PRDM2: variants seen among roughly 807,000 people sequenced by gnomAD.
The protein encoded by PRDM2 is PR/SET domain 2, also known as PR domain zinc finger protein 2.
Under a neutral mutation model 130.0 loss-of-function variants are expected in PRDM2, and 30 were observed. That is an observed-to-expected ratio of 0.23 (90% CI 0.17 to 0.31). The LOEUF (loss-of-function observed/expected upper bound fraction) is 0.31, where lower values mean the gene tolerates loss of function less well. PRDM2 is among the 10% of genes least tolerant of loss of function. The probability of loss-of-function intolerance (pLI) is 1.00; values close to 1 mark genes in which losing one functional copy is unlikely to be tolerated. For missense variants in PRDM2, 2,011 were observed against 2,108.4 expected (o/e 0.95, Z 0.90); for synonymous variants, 871 against 782.4 (o/e 1.11, Z -1.89).
intron 6 of PRDM2, chr1:13,772,074 G>T (rs968665810): frequency 6.6e-6 from 1 of 152,290 alleles, no homozygotes; most frequent in Non-Finnish European, 1.5e-5. Flanking sequence ...GATAAAAGGT[G>T]TCAGAGGCTT....
intron 5 of PRDM2, among the ~76,000 whole-genome samples, chr1:13,743,454 T>A (rs1643513081): frequency 6.9e-6 from 1 of 145,772 alleles, no homozygotes; most frequent in South Asian, 2.2e-4. Context: ...TACATGGAGA[T>A]ATTCTAAGGC....
At chr1:13,766,985 T>C (rs1316215070) in intron 6 of PRDM2, among the ~76,000 whole-genome samples, 1 of 152,256 alleles carries the variant, frequency 6.6e-6, no homozygotes, top group Non-Finnish European at 1.5e-5. Context: ...TAGTAGAACA[T>C]AGTCCAGACC....
chr1:13,755,196 C>T (rs1191597184), intron 6 of PRDM2, among the ~76,000 whole-genome samples: 1 of 152,108 alleles, frequency 6.6e-6, no homozygotes, highest in African/African-American at 2.4e-5. Context: ...TCAGTATTTT[C>T]GTTTTGTGCC....
At chr1:13,756,022 C>T (rs927710175) in intron 6 of PRDM2, among the ~76,000 whole-genome samples, 3 of 150,136 alleles carry the variant, frequency 2.0e-5, no homozygotes, top group Non-Finnish European at 4.4e-5. Context: ...GAGGCTGAGG[C>T]GGGTGGATCA....
At chr1:13,726,068 T>G (rs1010160742) in intron 2 of PRDM2, among the ~76,000 whole-genome samples, 1 of 152,254 alleles carries the variant, frequency 6.6e-6, no homozygotes, top group Non-Finnish European at 1.5e-5. Flanking sequence ...TAGTTTCATC[T>G]GTAACGTGGA....
At chr1:13,703,331 A>G (rs557663139) in intron 1 of PRDM2, among the ~76,000 whole-genome samples, 1 of 152,356 alleles carries the variant, frequency 6.6e-6, no homozygotes, top group African/African-American at 2.4e-5. Flanking sequence ...ACCTCCTTCC[A>G]GTGTGACAGC....
At chr1:13,804,021 TG>T (rs767793493) in intron 8 of PRDM2, among the ~76,000 whole-genome samples, 12 of 152,176 alleles carry the variant, frequency 7.9e-5, no homozygotes, top group Non-Finnish European at 1.8e-4. Context: ...AAATCAGATC[TG>T]GGTGTGAATC....
intron 1 of PRDM2, among the ~76,000 whole-genome samples, chr1:13,703,822 G>A (rs1431093468): frequency 6.6e-6 from 1 of 152,250 alleles, no homozygotes; most frequent in African/African-American, 2.4e-5. Flanking sequence ...GATGGTAGAG[G>A]CTATGCTGTA....
In PRDM2 at chr1:13,714,226, A is replaced by T. The variant is rs112480504; in HGVS notation, c.-65-1315A>T. On this transcript the variant is annotated intron_variant, in intron 1 of 9. Coordinates refer to ENST00000311066, the MANE Select transcript of PRDM2 (RefSeq NM_001393986.1). ...TATGTCTTAGAGAAGAGGGTTGATT[A>T]TGTTCAATATGTGATGTTTACTAAG... is the stretch of plus-strand genomic sequence containing the variant. 5.6e-3 allele frequency among the ~76,000 whole-genome samples: 854 copies of T among 151,348 alleles called. 11 individuals carry two copies. The highest frequency in any genetic ancestry group is 0.02 in the African/African-American group (819 of 41,452).
chr1:13,720,779 A>G (rs1410186598), intron 2 of PRDM2, among the ~76,000 whole-genome samples: 4 of 152,194 alleles, frequency 2.6e-5, no homozygotes, highest in Non-Finnish European at 5.9e-5. Flanking sequence ...ACAATCGGAA[A>G]TATTTTCTTG....
At chr1:13,748,733 C>A (rs1228629759) in intron 5 of PRDM2, among the ~76,000 whole-genome samples, 1 of 152,174 alleles carries the variant, frequency 6.6e-6, no homozygotes, top group Non-Finnish European at 1.5e-5. Context: ...GGAGATACTT[C>A]CTGCTGTATT....
chr1:13,786,699 C>G (rs2100693103), intron 8 of PRDM2: 2 of 1,464,006 alleles, frequency 1.4e-6, no homozygotes, highest in Non-Finnish European at 1.8e-6. Context: ...AGTCAGGCAT[C>G]TGCTGCTTCG....
chr1:13,778,872 G>A lies in PRDM2; in HGVS notation c.1077G>A (p.Met359Ile). 1 of 1,614,216 alleles carries A rather than the reference G, an allele frequency of 6.2e-7. No individual in the cohort carries two copies. The highest frequency in any genetic ancestry group is 1.1e-5 in the South Asian group (1 of 91,088). ...EANGDVFETF[M>I]FPCQHCERKF... The stretch of plus-strand genomic sequence containing the variant: ...ATGGTGATGTATTTGAAACGTTTAT[G>A]TTTCCGTGTCAACATTGTGAAAGGA... Residue 359 changes from methionine to isoleucine, a missense_variant, in exon 8 of 10, where the codon ATG (methionine) becomes ATA (isoleucine). Around this residue, in one of 5 missense-constraint regions of PRDM2, gnomAD observed 1,288 missense variants for 1,237.7 expected, o/e 1.04. Transcript: ENST00000311066.
intron 9 of PRDM2, 147 bp downstream of exon 9, chr1:13,816,717 A>C: frequency 8.9e-7 from 1 of 1,128,086 alleles, no homozygotes. Flanking sequence ...TCCCTCCAGG[A>C]GGGCACTTAG....
At chr1:13,704,945 A>G (rs990447963) in intron 1 of PRDM2, 1 of 152,214 alleles carries the variant, frequency 6.6e-6, no homozygotes, top group Non-Finnish European at 1.5e-5. Context: ...TTTACAGTAC[A>G]TCTGAAAGTA....
chr1:13,732,304 T>C (rs1017101340), intron 3 of PRDM2, among the ~76,000 whole-genome samples: 4 of 152,316 alleles, frequency 2.6e-5, no homozygotes, highest in African/African-American at 9.6e-5. Flanking sequence ...GCAAATGAAC[T>C]TCAAAACTAT....
rs1200366331 is a variant in PRDM2, at chr1:13,779,305, A to G, written c.1510A>G (p.Arg504Gly). 1.9e-6 allele frequency: 3 copies of G among 1,614,184 alleles called. No individual in the cohort carries two copies. The highest frequency in any genetic ancestry group is 1.7e-5 in the Admixed American group (1 of 60,028). The change falls in exon 8 of 10, where the codon AGA becomes GGA. Residue 504 changes from arginine (R) to glycine (G), a missense_variant. By Grantham distance (125) the Arg-to-Gly change is moderately radical (BLOSUM62 -2). Coordinates refer to ENST00000311066, the MANE Select transcript of PRDM2 (RefSeq NM_001393986.1). The surrounding 1 kb of genome is among the most constrained non-coding windows in gnomAD (Gnocchi z 4.9). ...THTNMRRHQR[R>G]VHERHLIPKG... ...TACTAATATGAGACGGCATCAGCGTAGAGTTCACGAACGTCATCTGATTCC... is the reference window on the plus strand; with the variant it reads ...TACTAATATGAGACGGCATCAGCGTGGAGTTCACGAACGTCATCTGATTCC...
At chr1:13,809,854 AT>A (rs1281107187) in intron 8 of PRDM2, among the ~76,000 whole-genome samples, 3 of 151,798 alleles carry the variant, frequency 2.0e-5, no homozygotes, top group Admixed American at 6.6e-5. Flanking sequence ...AATGACAGAA[AT>A]TTTTTTTTCA....
At chr1:13,788,045 T>G (rs1272453364) in intron 8 of PRDM2, 3 of 979,432 alleles carry the variant, frequency 3.1e-6, no homozygotes, top group Non-Finnish European at 3.6e-6. Flanking sequence ...CAATGCATTT[T>G]ATATTATTGT....
Sources: gnomAD v4.1 joint callset for allele counts (sites outside exome capture counted in the v4.1 genomes callset) on GRCh38, gnomAD v4.1.1 for gene constraint, gnomAD v4.1.1 regional missense constraint, Gnocchi (gnomAD v3.1) non-coding constraint, MANE v1.5 for transcripts, NCBI Gene and HGNC (gene_info 2026-07-23, HGNC 2026-07-21) for gene names.